The following SYTL2 variants were observed in gnomAD, a reference collection of about 807,000 sequenced individuals.
The protein encoded by SYTL2 is synaptotagmin-like protein 2.
SYTL2 carries 165 observed loss-of-function variants against 198.7 expected under a neutral mutation model. The observed-to-expected ratio is 0.83, with a 90% CI of 0.73 to 0.94. The LOEUF is 0.94. Ranked by LOEUF, SYTL2 falls within the 40% of genes least tolerant of loss-of-function variation. The pLI is 0.00. For synonymous variants in SYTL2, 966 were observed against 917.7 expected (o/e 1.05, Z -0.95); for missense variants, 2,835 against 2,582.8 (o/e 1.10, Z -2.12).
intron 1 of SYTL2, among the ~76,000 whole-genome samples, chr11:85,781,550 C>T (rs1271379241): frequency 6.6e-6 from 1 of 152,184 alleles, no homozygotes; most frequent in East Asian, 1.9e-4. Context: ...CAGAAGCCCA[C>T]AGTTCAAAGA....
chr11:85,844,282 A>C, the SYTL2 span, among the ~76,000 whole-genome samples: 1 of 152,232 alleles, frequency 6.6e-6, no homozygotes, highest in Admixed American at 6.5e-5. Context: ...TGCTGTATAA[A>C]GGGTAAAATA....
Position 85,745,933 on chromosome 11 carries a change from G to C in SYTL2, c.254-161C>G, listed in dbSNP as rs563527022. Among the ~76,000 whole-genome samples, 4 of 152,240 alleles carry C rather than the reference G, an allele frequency of 2.6e-5. 1 individual carries two copies. In the South Asian group the frequency reaches 8.3e-4, roughly 32 times the overall value. ...AGTAGTTGATCAGAATTACATCTAA[G>C]AGAGAAGTCAGTAAATTCCCACGAC... On this transcript the variant is annotated intron_variant, in intron 3 of 19. Coordinates refer to ENST00000359152, the MANE Select transcript of SYTL2 (RefSeq NM_206927.4).
At chr11:85,746,247 T>G (rs1481125280) in intron 3 of SYTL2, among the ~76,000 whole-genome samples, 1 of 152,214 alleles carries the variant, frequency 6.6e-6, no homozygotes, top group African/African-American at 2.4e-5. Flanking sequence ...TAGGAATGTC[T>G]TCCTCTGCTG....
intron 1 of SYTL2, among the ~76,000 whole-genome samples, chr11:85,793,762 C>T (rs2092764531): frequency 6.6e-6 from 1 of 152,180 alleles, no homozygotes; most frequent in Non-Finnish European, 1.5e-5. Flanking sequence ...TTTAGTTCTG[C>T]ACAAATGAAA....
In SYTL2 at chr11:85,724,846, T is replaced by C; in HGVS notation, c.4512A>G (p.Leu1504=). Residue 1504 remains leucine, a synonymous_variant, in exon 8 of 20, where the codon CTA becomes CTG. Coordinates refer to ENST00000359152, the MANE Select transcript of SYTL2 (RefSeq NM_206927.4). ...FLEFSAGLEK[L]LKEETETFPS... ...GGAAGGTTTCAGTTTCTTCCTTCAGTAGTTTTTCTAAGCCAGCACTGAATT... is the reference window on the plus strand; with the variant it reads ...GGAAGGTTTCAGTTTCTTCCTTCAGCAGTTTTTCTAAGCCAGCACTGAATT... 3 of 1,613,710 alleles carry C rather than the reference T, an allele frequency of 1.9e-6. No homozygotes were observed. Among genetic ancestry groups the C allele is most frequent in the Non-Finnish European group, 2.5e-6 (3 of 1,179,918 alleles).
At chr11:85,740,803 T>G (rs994683049) in intron 4 of SYTL2, among the ~76,000 whole-genome samples, 4 of 152,246 alleles carry the variant, frequency 2.6e-5, no homozygotes, top group African/African-American at 9.6e-5. Flanking sequence ...ACTATGGTAT[T>G]GGCATCAGGG....
chr11:85,756,366 G>C (rs982154754), intron 2 of SYTL2, among the ~76,000 whole-genome samples: 5 of 152,202 alleles, frequency 3.3e-5, no homozygotes, highest in African/African-American at 1.2e-4. Context: ...TCATAGCTCA[G>C]TGTCCTACTT....
At chr11:85,800,471 G>A (rs933574193) in intron 1 of SYTL2, among the ~76,000 whole-genome samples, 2 of 151,914 alleles carry the variant, frequency 1.3e-5, no homozygotes, top group African/African-American at 2.4e-5. Flanking sequence ...TAGAGATGGG[G>A]TCTTGCTATG....
rs1216288724 is a variant in SYTL2, at chr11:85,734,138, G to A, written c.1191C>T (p.Thr397=). 1 of 1,614,206 alleles carries A rather than the reference G, an allele frequency of 6.2e-7. No individual in the cohort carries two copies. The highest frequency in any genetic ancestry group is 8.5e-7 in the Non-Finnish European group (1 of 1,180,028). Residue 397 remains threonine (T), a synonymous_variant, in exon 7 of 20, where the codon ACC becomes ACT. Coordinates refer to ENST00000359152, the MANE Select transcript of SYTL2 (RefSeq NM_206927.4). ...YRKPSLFHQS[T]SSPYVSKSET... is the part of the protein sequence containing the mutation. Reference sequence around the variant, plus strand: ...CACTTTTTGATACATATGGGCTTGAGGTTGATTGATGAAAAAGCGAAGGCT... The same window carrying A: ...CACTTTTTGATACATATGGGCTTGAAGTTGATTGATGAAAAAGCGAAGGCT...
At position 85,726,380 on chromosome 11, in the gene SYTL2, G is replaced by C; in HGVS notation, c.2978C>G (p.Ala993Gly). ...GTCATTATCCTTACTGTTTGAATTA[G>C]CTTCTAAGTCCCAAAACTTTCTCAA... ...ENLRKFWDLE[A>G]NSNSKDNDKN... The change falls in exon 8 of 20, where the codon GCT becomes GGT. Residue 993 changes from alanine to glycine, a missense_variant. By Grantham distance (60) the Ala-to-Gly change is moderately conservative. Transcript: ENST00000359152. 6.2e-7 allele frequency: 1 copy of C among 1,613,626 alleles called. No individual in the cohort carries two copies. Among genetic ancestry groups the C allele is most frequent in the South Asian group, 1.1e-5 (1 of 90,948 alleles).
chr11:85,702,415 G>A (rs916460765), intron 16 of SYTL2, among the ~76,000 whole-genome samples: 4 of 151,954 alleles, frequency 2.6e-5, no homozygotes, highest in Admixed American at 2.6e-4. Flanking sequence ...TCCAACTCCT[G>A]GACTCAAGCA....
chr11:85,831,792 AC>A, the SYTL2 span, among the ~76,000 whole-genome samples: 1 of 152,220 alleles, frequency 6.6e-6, no homozygotes, highest in Admixed American at 6.5e-5. Context: ...TTTGACCACA[AC>A]AAAAAACTCA....
Position 85,695,275 on chromosome 11 carries a change from T to C in SYTL2, c.6640A>G (p.Lys2214Glu), listed in dbSNP as rs145036285. 8.2e-4 allele frequency: 1,317 copies of C among 1,612,726 alleles called. 1 individual carries two copies. The highest frequency in any genetic ancestry group is 1.0e-3 in the Non-Finnish European group (1,196 of 1,179,010). ...STSEEVALWEKMVNSPNTWIE... is the reference protein window; with the variant it reads ...STSEEVALWEEMVNSPNTWIE... ...CAAGTATTGGGGGAGTTTACCATCT[T>C]CTCCCAGAGAGCAACTTCCTCTGAA... The change falls in exon 20 of 20, where the codon AAG (lysine) becomes GAG (glutamate). Residue 2214 changes from lysine (K) to glutamate (E), a missense_variant. Transcript: ENST00000359152.
upstream of SYTL2, among the ~76,000 whole-genome samples, chr11:85,813,498 A>C (rs531410099): frequency 6.6e-6 from 1 of 152,352 alleles, no homozygotes; most frequent in South Asian, 2.1e-4. Flanking sequence ...AATGGTTTAC[A>C]TATAAGTGAC....
At chr11:85,718,992 T>C in intron 9 of SYTL2, 149 bp from the exon 10 acceptor site, 1 of 1,532,330 alleles carries the variant, frequency 6.5e-7, no homozygotes, top group Non-Finnish European at 8.7e-7. Context: ...CAAAATACTT[T>C]CTCTTTAGAT....
At chr11:85,824,540 G>T in the SYTL2 span, among the ~76,000 whole-genome samples, 1 of 152,196 alleles carries the variant, frequency 6.6e-6, no homozygotes, top group East Asian at 1.9e-4. Flanking sequence ...AGAATGGTTT[G>T]TATTGAGTAA....
At chr11:85,847,428 T>C in the SYTL2 span, among the ~76,000 whole-genome samples, 5 of 152,204 alleles carry the variant, frequency 3.3e-5, no homozygotes, top group Non-Finnish European at 7.3e-5. Context: ...TTCCTTTTTT[T>C]ATTAAGTAGT....
At chr11:85,854,378 G>A in the SYTL2 span, 2 of 151,486 alleles carry the variant, frequency 1.3e-5, no homozygotes, top group Admixed American at 1.3e-4. Context: ...AATAATGCAG[G>A]AGAGGAAAGA....
chr11:85,754,302 C>T (rs1252196365), intron 2 of SYTL2, among the ~76,000 whole-genome samples: 1 of 152,088 alleles, frequency 6.6e-6, no homozygotes, highest in East Asian at 1.9e-4. Flanking sequence ...TATCATTGTC[C>T]AGAGCAGTTC....
Sources: allele counts gnomAD v4.1 joint callset (sites outside exome capture counted in the v4.1 genomes callset), GRCh38; gene constraint gnomAD v4.1.1; transcripts MANE v1.5; gene names NCBI Gene and HGNC (gene_info 2026-07-23, HGNC 2026-07-21).